PDE3A: variants seen among roughly 807,000 people sequenced by gnomAD.
The protein encoded by PDE3A is cGMP-inhibited 3',5'-cyclic phosphodiesterase 3A.
Under a neutral mutation model 98.3 loss-of-function variants are expected in PDE3A, and 43 were observed. The ratio of observed to expected loss-of-function variants is 0.44; its 90% CI spans 0.34 to 0.56. The LOEUF (loss-of-function observed/expected upper bound fraction) is 0.56, where lower values mean the gene tolerates loss of function less well. PDE3A is among the 20% of genes least tolerant of loss of function. PDE3A has a pLI of 0.01. For missense variants in PDE3A, 1,427 were observed against 1,440.7 expected (o/e 0.99, Z 0.15); for synonymous variants, 663 against 567.9 (o/e 1.17, Z -2.38).
chr12:20,404,854 G>A (rs1944204526), intron 1 of PDE3A, among the ~76,000 whole-genome samples: 1 of 110,404 alleles, frequency 9.1e-6, no homozygotes, highest in Non-Finnish European at 1.7e-5. Flanking sequence ...TTTTTGAGCA[G>A]GAACTAGCAT....
chr12:20,672,758 C>T (rs1449876389), intron 15 of PDE3A, among the ~76,000 whole-genome samples: 1 of 132,548 alleles, frequency 7.5e-6, no homozygotes, highest in African/African-American at 2.9e-5. Context: ...AGAAGAAAAC[C>T]TAGGCATTAC....
At chr12:20,672,981 A>G (rs1409920369) in intron 15 of PDE3A, among the ~76,000 whole-genome samples, 10 of 151,362 alleles carry the variant, frequency 6.6e-5, no homozygotes, top group Admixed American at 3.3e-4. Context: ...AGAATCTACA[A>G]TGAACTCATA....
At chr12:20,636,567 G>A (rs1367244801) in intron 8 of PDE3A, among the ~76,000 whole-genome samples, 1 of 152,048 alleles carries the variant, frequency 6.6e-6, no homozygotes, top group African/African-American at 2.4e-5. Flanking sequence ...TATGGCAATT[G>A]TTATTCTATA....
Position 20,637,093 on chromosome 12 carries a change from A to G in PDE3A, c.2002-7A>G. 2 of 1,564,912 alleles carry G rather than the reference A, an allele frequency of 1.3e-6. No homozygotes were observed. Among genetic ancestry groups the G allele is most frequent in the African/African-American group, 1.4e-5 (1 of 72,302 alleles). ...CTGTTTAAGTATTTTAATGTTAAAC[A>G]TTACAGGACAAACCAATTCTTGCTC... On this transcript the variant is annotated splice_polypyrimidine_tract_variant and splice_region_variant and intron_variant, in intron 8 of 15. Coordinates refer to ENST00000359062, the MANE Select transcript of PDE3A (RefSeq NM_000921.5).
intron 1 of PDE3A, among the ~76,000 whole-genome samples, chr12:20,401,121 C>T (rs1253274232): frequency 6.6e-6 from 1 of 152,080 alleles, no homozygotes; most frequent in Non-Finnish European, 1.5e-5. Flanking sequence ...TCATTATACC[C>T]AGTCCTTCTT....
At chr12:20,553,854 A>G (rs1190299096) in intron 1 of PDE3A, among the ~76,000 whole-genome samples, 1 of 151,710 alleles carries the variant, frequency 6.6e-6, no homozygotes, top group Non-Finnish European at 1.5e-5. Flanking sequence ...GAAAATGTCA[A>G]CCAGATTCTA....
intron 10 of PDE3A, 28 bp from the exon 11 acceptor site, chr12:20,646,462 G>GTTC (rs1944779569): frequency 1.6e-6 from 2 of 1,225,304 alleles, no homozygotes. Flanking sequence ...TTCATAAACT[G>GTTC]ATGACTGTTC....
At chr12:20,550,843 C>G (rs553905201) in intron 1 of PDE3A, among the ~76,000 whole-genome samples, 17 of 151,914 alleles carry the variant, frequency 1.1e-4, no homozygotes, top group African/African-American at 3.9e-4. Context: ...TTTAATTGCT[C>G]TATGGTATCA....
rs528354603 is a variant in PDE3A at position 20,401,079 on chromosome 12, C to A, written c.960+30835C>A. On this transcript the variant is annotated intron_variant, in intron 1 of 15. Coordinates refer to ENST00000359062, the MANE Select transcript of PDE3A (RefSeq NM_000921.5). ...CTAGATGGCCAAAACATCACTGGAACTTACAGGATATAACTTTCTTCAAAG... is the reference window on the plus strand; with the variant it reads ...CTAGATGGCCAAAACATCACTGGAAATTACAGGATATAACTTTCTTCAAAG... Among the ~76,000 whole-genome samples, 268 of 152,276 alleles carry A rather than the reference C, an allele frequency of 1.8e-3. 3 individuals carry two copies. The highest frequency in any genetic ancestry group is 6.0e-3 in the African/African-American group (251 of 41,556).
At position 20,634,990 on chromosome 12, in the gene PDE3A, C is replaced by G. The variant is rs1283811589; in HGVS notation, c.1935C>G (p.Cys645Trp). The change falls in exon 8 of 16, where the codon TGC becomes TGG. Residue 645 changes from cysteine (C) to tryptophan (W), a missense_variant. Cys to Trp is a radical substitution (Grantham distance 215). Around this residue, in one of 3 missense-constraint regions of PDE3A, gnomAD observed 1,012 missense variants for 886.5 expected, o/e 1.14. Transcript: ENST00000359062. ...DIVQNEDETE[C>W]LREPLRKASA... ...TACAGAATGAAGATGAAACAGAGTG[C>G]CTGAGAGAGCCTCTGAGGAAAGCAT... 2 of 1,612,732 alleles carry G rather than the reference C, an allele frequency of 1.2e-6. No homozygotes were observed. Among genetic ancestry groups the G allele is most frequent in the Non-Finnish European group, 8.5e-7 (1 of 1,178,786 alleles).
At chr12:20,459,003 C>T (rs1945200863) in intron 1 of PDE3A, among the ~76,000 whole-genome samples, 1 of 152,018 alleles carries the variant, frequency 6.6e-6, no homozygotes, top group Non-Finnish European at 1.5e-5. Flanking sequence ...AATAAAAGTG[C>T]CTAGATGCAA....
At chr12:20,642,974 C>A (rs1944679123) in intron 10 of PDE3A, among the ~76,000 whole-genome samples, 1 of 152,094 alleles carries the variant, frequency 6.6e-6, no homozygotes, top group Non-Finnish European at 1.5e-5. Context: ...ACAACTCCAA[C>A]CCTCCATACC....
intron 1 of PDE3A, among the ~76,000 whole-genome samples, chr12:20,454,616 T>C (rs1348835368): frequency 6.6e-6 from 1 of 152,166 alleles, no homozygotes; most frequent in East Asian, 1.9e-4. Context: ...CCCGATCCTC[T>C]CCTTCCTCCC....
At chr12:20,534,493 T>C (rs1592029019) in intron 1 of PDE3A, among the ~76,000 whole-genome samples, 2 of 152,178 alleles carry the variant, frequency 1.3e-5, no homozygotes, top group Non-Finnish European at 2.9e-5. Context: ...AAAGGATGTA[T>C]GCCACGAAAT....
At chr12:20,480,822 A>G (rs997455619) in intron 1 of PDE3A, among the ~76,000 whole-genome samples, 8 of 152,224 alleles carry the variant, frequency 5.3e-5, no homozygotes, top group Admixed American at 4.6e-4. Context: ...GAAGCTCTCA[A>G]AGTAACCAAA....
chr12:20,626,890 G>A (rs921947114), intron 5 of PDE3A, among the ~76,000 whole-genome samples: 7 of 152,046 alleles, frequency 4.6e-5, no homozygotes, highest in Non-Finnish European at 1.0e-4. Context: ...TTCATCCCAG[G>A]CAGTAAATTT....
Position 20,687,914 on chromosome 12 carries a change from G to GAAAAAAAAAAAAAAAAA in PDE3A, c.*7650_*7666dup, listed in dbSNP as rs58496505. Among the ~76,000 whole-genome samples, 148 of 94,258 alleles carry GAAAAAAAAAAAAAAAAA rather than the reference G, an allele frequency of 1.6e-3. 7 individuals are homozygous for GAAAAAAAAAAAAAAAAA. The highest frequency in any genetic ancestry group is 6.1e-3 in the African/African-American group (142 of 23,398). 61.8% of individuals were successfully genotyped at this position (94,258 alleles called of 152,430 possible). On this transcript the variant is annotated 3_prime_UTR_variant, in exon 16 of 16. Transcript: ENST00000359062. ...GACCAGTCATTACCTCTTCCCAACA[G>GAAAAAAAAAAAAAAAAA]AAAAAAAAAAAAAAAAAAAAAAACT...
At chr12:20,414,163 A>G (rs1338979555) in intron 1 of PDE3A, among the ~76,000 whole-genome samples, 1 of 152,200 alleles carries the variant, frequency 6.6e-6, no homozygotes. Flanking sequence ...ATGTATACGT[A>G]TATTTGATTA....
intron 3 of PDE3A, among the ~76,000 whole-genome samples, chr12:20,614,200 T>G (rs1176314994): frequency 6.6e-6 from 1 of 152,136 alleles, no homozygotes; most frequent in Non-Finnish European, 1.5e-5. Flanking sequence ...TTATAGATTA[T>G]TTAAAGTAAA....
Sources: gnomAD v4.1 joint callset for allele counts (sites outside exome capture counted in the v4.1 genomes callset) on GRCh38, gnomAD v4.1.1 for gene constraint, gnomAD v4.1.1 regional missense constraint, MANE v1.5 for transcripts, NCBI Gene and HGNC (gene_info 2026-07-23, HGNC 2026-07-21) for gene names.